Variants in HNRNPC observed in about 807,000 individuals in gnomAD.
HNRNPC encodes heterogeneous nuclear ribonucleoprotein C, also known as heterogeneous nuclear ribonucleoproteins C1/C2.
Under a neutral mutation model 33.2 loss-of-function variants are expected in HNRNPC, and 3 were observed. That is an observed-to-expected ratio of 0.09 (90% CI 0.04 to 0.23). The LOEUF (loss-of-function observed/expected upper bound fraction) is 0.23. Among genes scored for constraint, HNRNPC ranks in the 10% least tolerant of loss-of-function variants. HNRNPC has a pLI of 1.00. For synonymous variants in HNRNPC, 121 were observed against 126.7 expected (o/e 0.96, Z 0.30); for missense variants, 143 against 366.7 (o/e 0.39, Z 4.98).
Position 21,248,216 on chromosome 14 carries a change from T to C in HNRNPC, c.-36-13987A>G, listed in dbSNP as rs567780375. On this transcript the variant is annotated intron_variant, in intron 2 of 8. Coordinates refer to ENST00000553300, the MANE Select transcript of HNRNPC (RefSeq NM_004500.4). ...ATAAAATAACGCCCAGGTAACTTTG[T>C]TGTACTTTTAGTACAGACGGGGTTT... Among the ~76,000 whole-genome samples the C allele has an allele frequency of 5.3e-5, 8 of 152,302 alleles. No individual in the cohort carries two copies. The East Asian group carries it at 7.7e-4, about 15-fold the overall frequency.
intron 5 of HNRNPC, among the ~76,000 whole-genome samples, chr14:21,221,352 A>C (rs1892806098): frequency 6.6e-6 from 1 of 152,208 alleles, no homozygotes; most frequent in Non-Finnish European, 1.5e-5. Context: ...TTTTTGCAGC[A>C]TTCTAGACCT....
rs1879560629 is a variant in HNRNPC, at chr14:21,269,319, A to C, written c.-84T>G. ...TTACCAAGAAGGGGAGGGAGAAGAG[A>C]TTCGATTCTGAGTCTCCTACTCCCG... is the stretch of plus-strand genomic sequence containing the variant. On this transcript the variant is annotated 5_prime_UTR_variant, in exon 1 of 9. Transcript: ENST00000553300. 1 of 153,518 alleles carries C rather than the reference A, an allele frequency of 6.5e-6. No homozygotes were observed. The highest frequency in any genetic ancestry group is 1.5e-5 in the Non-Finnish European group (1 of 68,084). The allele number at this position is 153,518 out of a possible 1,614,324, so 9.5% of individuals were successfully genotyped here.
rs1051389469 is a variant in HNRNPC, at chr14:21,261,844, G to C, written c.-37+1467C>G. Among the ~76,000 whole-genome samples, 6 of 152,114 alleles carry C rather than the reference G, an allele frequency of 3.9e-5. No homozygotes were observed. The South Asian group carries it at 1.2e-3, about 31-fold the overall frequency. On this transcript the variant is annotated intron_variant, in intron 2 of 8. Transcript: ENST00000553300. The stretch of plus-strand genomic sequence containing the variant: ...TTTGCTGCAGTGAGTAAAATACTAC[G>C]GGTTGCTCAACTTCTCTTTGGCTAT...
intron 2 of HNRNPC, among the ~76,000 whole-genome samples, chr14:21,254,017 C>T (rs1288453315): frequency 1.4e-5 from 2 of 147,422 alleles, no homozygotes; most frequent in East Asian, 4.0e-4. Context: ...GCAGTGAGAC[C>T]ATGCCACTGC....
intron 2 of HNRNPC, among the ~76,000 whole-genome samples, chr14:21,235,644 C>T (rs962593218): frequency 6.6e-6 from 1 of 152,122 alleles, no homozygotes; most frequent in Non-Finnish European, 1.5e-5. Flanking sequence ...CCACCAACAG[C>T]CTTTCAGCTA....
At chr14:21,251,129 A>C (rs1300864478) in intron 2 of HNRNPC, among the ~76,000 whole-genome samples, 1 of 151,640 alleles carries the variant, frequency 6.6e-6, no homozygotes, top group Non-Finnish European at 1.5e-5. Flanking sequence ...GGCATGGTGG[A>C]GGGCGCCTGT....
chr14:21,250,846 T>C (rs545898598), intron 2 of HNRNPC, among the ~76,000 whole-genome samples: 2 of 152,304 alleles, frequency 1.3e-5, no homozygotes, highest in South Asian at 4.1e-4. Flanking sequence ...CTTTTCAATG[T>C]GCATATCGGT....
chr14:21,243,883 T>C (rs1895645450), intron 2 of HNRNPC, among the ~76,000 whole-genome samples: 1 of 152,118 alleles, frequency 6.6e-6, no homozygotes, highest in Non-Finnish European at 1.5e-5. Context: ...ACTATAATAA[T>C]TACATATTAG....
At chr14:21,256,108 C>T (rs1877151820) in intron 2 of HNRNPC, among the ~76,000 whole-genome samples, 1 of 152,104 alleles carries the variant, frequency 6.6e-6, no homozygotes, top group Non-Finnish European at 1.5e-5. Context: ...TTTTTGACTT[C>T]AATGCTGAAA....
chr14:21,260,066 G>A, intron 2 of HNRNPC, among the ~76,000 whole-genome samples: 1 of 146,066 alleles, frequency 6.8e-6, no homozygotes, highest in Admixed American at 7.0e-5. Context: ...CGGGCGTAGT[G>A]GCGGGCGCCT....
In HNRNPC at chr14:21,214,652, G is replaced by T. The variant is rs1891962333; in HGVS notation, c.366-1535C>A. 2.0e-5 allele frequency among the ~76,000 whole-genome samples: 3 copies of T among 152,076 alleles called. No homozygotes were observed. The South Asian group carries it at 6.2e-4, about 31-fold the overall frequency. On this transcript the variant is annotated intron_variant, in intron 5 of 8. Transcript: ENST00000553300. Reference sequence around the variant, plus strand: ...ATCTCTTAGTTTAATCCATTCATGGGAATTAATGCAAAGAAAAAGATACTG... The same window carrying T: ...ATCTCTTAGTTTAATCCATTCATGGTAATTAATGCAAAGAAAAAGATACTG...
intron 2 of HNRNPC, among the ~76,000 whole-genome samples, chr14:21,246,274 C>A (rs1895968818): frequency 6.6e-6 from 1 of 152,004 alleles, no homozygotes; most frequent in African/African-American, 2.4e-5. Context: ...AATGATGCCT[C>A]AAAGGCTGGG....
chr14:21,240,214 G>T (rs1381966572), intron 2 of HNRNPC, among the ~76,000 whole-genome samples: 1 of 151,962 alleles, frequency 6.6e-6, no homozygotes, highest in East Asian at 1.9e-4. Flanking sequence ...GCCTCTACTC[G>T]CACTCTCACC....
chr14:21,247,542 A>G (rs963479034), intron 2 of HNRNPC, among the ~76,000 whole-genome samples: 2 of 152,266 alleles, frequency 1.3e-5, no homozygotes, highest in East Asian at 3.9e-4. Flanking sequence ...TTGTACCCCG[A>G]AAAGTTACAC....
chr14:21,255,638 A>G (rs1422985699), intron 2 of HNRNPC, among the ~76,000 whole-genome samples: 1 of 152,208 alleles, frequency 6.6e-6, no homozygotes, highest in African/African-American at 2.4e-5. Flanking sequence ...AAGCTTTTTA[A>G]TTAGAAGGAA....
chr14:21,265,789 C>CCTTA (rs1258773629), intron 1 of HNRNPC, among the ~76,000 whole-genome samples: 1 of 152,142 alleles, frequency 6.6e-6, no homozygotes, highest in African/African-American at 2.4e-5. Context: ...AAAAAAGTAT[C>CCTTA]CTTACCTAAA....
rs769281125 is a variant in HNRNPC, at chr14:21,211,930, T to TA, written c.524-8dup. 6.3e-7 allele frequency: 1 copy of TA among 1,587,846 alleles called. No individual in the cohort carries two copies. Among genetic ancestry groups the TA allele is most frequent in the Non-Finnish European group, 8.6e-7 (1 of 1,157,038 alleles). ...TGAAGGTCATCTCCTTTCACTTTAA[T>TA]ATAAACAAAATACTAGATTAAAATC... On this transcript the variant is annotated splice_region_variant and splice_polypyrimidine_tract_variant and intron_variant, in intron 6 of 8. Transcript: ENST00000553300.
intron 2 of HNRNPC, among the ~76,000 whole-genome samples, chr14:21,259,764 C>G: frequency 6.6e-6 from 1 of 151,686 alleles, no homozygotes. Flanking sequence ...TCTCCTACTT[C>G]CAATCTCATT....
At chr14:21,246,144 G>A (rs997664393) in intron 2 of HNRNPC, among the ~76,000 whole-genome samples, 6 of 151,992 alleles carry the variant, frequency 3.9e-5, no homozygotes, top group African/African-American at 1.2e-4. Flanking sequence ...TAATCTTAAG[G>A]GGCCATAATA....
Sources: gnomAD v4.1 joint callset for allele counts (sites outside exome capture counted in the v4.1 genomes callset) on GRCh38, gnomAD v4.1.1 for gene constraint, MANE v1.5 for transcripts, NCBI Gene and HGNC (gene_info 2026-07-23, HGNC 2026-07-21) for gene names.